The following FBXO25 variants were observed in gnomAD, a reference collection of about 807,000 sequenced individuals.
The protein encoded by FBXO25 is F-box only protein 25.
In FBXO25, 45 loss-of-function variants were observed where a neutral mutation model predicts 51.9. The observed-to-expected ratio is 0.87, with a 90% confidence interval of 0.68 to 1.11. The LOEUF (loss-of-function observed/expected upper bound fraction) is 1.11. FBXO25 is among the 50% of genes most tolerant of loss of function. The probability of loss-of-function intolerance (pLI) is 0.00; values close to 1 mark genes in which losing one functional copy is unlikely to be tolerated. For synonymous variants in FBXO25, 199 were observed against 151.0 expected (o/e 1.32, Z -2.33); for missense variants, 507 against 428.5 (o/e 1.18, Z -1.62).
At chr8:443,775 C>T (rs1165246308) in intron 5 of FBXO25, among the ~76,000 whole-genome samples, 2 of 151,948 alleles carry the variant, frequency 1.3e-5, no homozygotes, top group Non-Finnish European at 2.9e-5. Flanking sequence ...TTGATGAAAA[C>T]TACAAAGTCT....
At position 440,820 on chromosome 8, in the gene FBXO25, GA is replaced by G. The variant is rs555674183; in HGVS notation, c.381+5115del. On this transcript the variant is annotated intron_variant, in intron 5 of 9. Transcript: ENST00000350302. ...TTCTCATTGTTCAGCTCCCACTTAT[GA>G]ATAAGAACATGTGGTGTTTGGTTTT... Among the ~76,000 whole-genome samples, 11 of 145,528 alleles carry G rather than the reference GA, an allele frequency of 7.6e-5. No homozygotes were observed. The South Asian group carries it at 2.5e-3, about 33-fold the overall frequency.
intron 2 of FBXO25, among the ~76,000 whole-genome samples, chr8:421,411 G>C (rs576702252): frequency 6.6e-6 from 1 of 152,198 alleles, no homozygotes; most frequent in African/African-American, 2.4e-5. Flanking sequence ...GGAAAACAGT[G>C]TTTTGACAGG....
chr8:458,617 C>G, intron 8 of FBXO25, 66 bp downstream of exon 8: 2 of 1,461,510 alleles, frequency 1.4e-6, no homozygotes, highest in Non-Finnish European at 1.9e-6. Context: ...GGGCCATACC[C>G]TATAAACTCA....
intron 7 of FBXO25, among the ~76,000 whole-genome samples, chr8:453,600 C>G (rs1486627520): frequency 3.3e-5 from 5 of 152,128 alleles, no homozygotes; most frequent in Non-Finnish European, 7.3e-5. Flanking sequence ...GTCTCCTGAC[C>G]TGCTGGCTGA....
chr8:436,673 A>G (rs1005814201), intron 5 of FBXO25, among the ~76,000 whole-genome samples: 2 of 152,108 alleles, frequency 1.3e-5, no homozygotes, highest in Non-Finnish European at 2.9e-5. Flanking sequence ...TACCTTTCTT[A>G]TAGATGATGA....
In FBXO25 at chr8:451,267, A is replaced by T. The variant is rs568931568; in HGVS notation, c.476-2A>T. 6.3e-7 allele frequency: 1 copy of T among 1,588,980 alleles called. No homozygotes were observed. Among genetic ancestry groups the T allele is most frequent in the South Asian group, 1.2e-5 (1 of 86,726 alleles). On this transcript the variant is annotated splice_acceptor_variant, in intron 6 of 9. Coordinates refer to ENST00000350302, the MANE Select transcript of FBXO25 (RefSeq NM_183420.2). LOFTEE classifies it high-confidence loss of function. ...CCATAGTTTTATTTTTATTTATTCC[A>T]GTTCTTGATGACCACCACAATCCTC...
Position 468,817 on chromosome 8 carries a change from C to A in FBXO25, c.*13C>A. On this transcript the variant is annotated 3_prime_UTR_variant, in exon 10 of 10. Coordinates refer to ENST00000350302, the MANE Select transcript of FBXO25 (RefSeq NM_183420.2). ...CTTCAAGTTTTAAGGGCTGCCCCTG[C>A]CATCCCTATTGGAGATTGTGAATCC... 3 of 1,612,082 alleles carry A rather than the reference C, an allele frequency of 1.9e-6. No individual in the cohort carries two copies. Among genetic ancestry groups the A allele is most frequent in the Non-Finnish European group, 2.5e-6 (3 of 1,178,672 alleles).
At chr8:458,153 G>C (rs965088482) in intron 7 of FBXO25, among the ~76,000 whole-genome samples, 5 of 152,220 alleles carry the variant, frequency 3.3e-5, no homozygotes, top group African/African-American at 4.8e-5. Flanking sequence ...GGAACAGCCT[G>C]GTTCTGTCAC....
At chr8:467,901 T>C (rs1221427844) in intron 9 of FBXO25, 2 of 1,507,502 alleles carry the variant, frequency 1.3e-6, no homozygotes, top group Non-Finnish European at 1.8e-6. Context: ...AGTGGCCACT[T>C]TGATCAAACA....
chr8:437,130 T>C (rs1387357086), intron 5 of FBXO25, among the ~76,000 whole-genome samples: 3 of 152,202 alleles, frequency 2.0e-5, no homozygotes, highest in African/African-American at 7.2e-5. Context: ...AAATTTACTT[T>C]TCTAAACAGA....
At chr8:439,177 C>T (rs541781103) in intron 5 of FBXO25, among the ~76,000 whole-genome samples, 2 of 152,150 alleles carry the variant, frequency 1.3e-5, no homozygotes, top group Admixed American at 6.5e-5. Context: ...GGTTTTTACA[C>T]ATTTGTTATC....
intron 5 of FBXO25, among the ~76,000 whole-genome samples, chr8:436,077 T>C (rs1245725318): frequency 6.6e-6 from 1 of 152,252 alleles, no homozygotes; most frequent in East Asian, 1.9e-4. Flanking sequence ...TTCTGCTTCG[T>C]GTTTTTCACA....
chr8:465,305 C>T (rs1160372637), intron 9 of FBXO25, among the ~76,000 whole-genome samples: 1 of 152,174 alleles, frequency 6.6e-6, no homozygotes, highest in African/African-American at 2.4e-5. Flanking sequence ...GGACACAATA[C>T]TGTAGTTTCT....
intron 7 of FBXO25, among the ~76,000 whole-genome samples, chr8:456,003 T>C (rs980114694): frequency 6.6e-6 from 1 of 152,092 alleles, no homozygotes; most frequent in African/African-American, 2.4e-5. Flanking sequence ...TAATCCGGGA[T>C]TTTTTTTCTT....
intron 1 of FBXO25, among the ~76,000 whole-genome samples, chr8:412,621 T>A (rs1796549634): frequency 6.6e-6 from 1 of 152,150 alleles, no homozygotes; most frequent in African/African-American, 2.4e-5. Context: ...TTAAATGACT[T>A]CTCCATCCTT....
rs935010615 is a variant in FBXO25 at position 472,887 on chromosome 8, C to G, written c.*4083C>G. The G allele has an allele frequency of 1.3e-5, 2 of 152,238 alleles. No homozygotes were observed. The highest frequency in any genetic ancestry group is 2.9e-5 in the Non-Finnish European group (2 of 68,052). The allele number at this position is 152,238 out of a possible 1,614,324, so 9.4% of individuals were successfully genotyped here. A position where few individuals can be genotyped will look rare whatever the true frequency, so the allele number is the denominator to read the frequency against. Reference sequence around the variant, plus strand: ...AGCAAGCCTGCCTTATGAAACTCGACTTTTTAATCTCCCTCTCTTCATTAT... The same window carrying G: ...AGCAAGCCTGCCTTATGAAACTCGAGTTTTTAATCTCCCTCTCTTCATTAT... On this transcript the variant is annotated 3_prime_UTR_variant, in exon 10 of 10. Coordinates refer to ENST00000350302, the MANE Select transcript of FBXO25 (RefSeq NM_183420.2).
chr8:448,328 C>G (rs1200868941), intron 5 of FBXO25, among the ~76,000 whole-genome samples: 1 of 152,200 alleles, frequency 6.6e-6, no homozygotes, highest in Non-Finnish European at 1.5e-5. Context: ...AATTATTAAA[C>G]TCTGAAGATG....
intron 2 of FBXO25, among the ~76,000 whole-genome samples, chr8:425,340 C>G (rs1444360044): frequency 6.6e-6 from 1 of 151,106 alleles, no homozygotes; most frequent in Non-Finnish European, 1.5e-5. Context: ...TCTCTCTATC[C>G]CTTTCTTTTC....
In FBXO25 at chr8:451,126, C is replaced by A. The variant is rs533041158; in HGVS notation, c.476-143C>A. On this transcript the variant is annotated intron_variant, in intron 6 of 9. Transcript: ENST00000350302. ...GTGAGAATTTCCCTCCTTTTTAGGG[C>A]TGAATAATATTCTATTGCATGTATA... 6.3e-5 allele frequency: 40 copies of A among 639,846 alleles called. No homozygotes were observed. The African/African-American group carries it at 7.1e-4, about 11-fold the overall frequency. The allele number at this position is 639,846 out of a possible 1,614,324, so 39.6% of individuals were successfully genotyped here.
Sources: allele counts gnomAD v4.1 joint callset (sites outside exome capture counted in the v4.1 genomes callset), GRCh38; gene constraint gnomAD v4.1.1; transcripts MANE v1.5; gene names NCBI Gene and HGNC (gene_info 2026-07-23, HGNC 2026-07-21).